GPC6: variants seen among roughly 807,000 people sequenced by gnomAD.
The protein encoded by GPC6 is glypican-6.
In GPC6, 14 loss-of-function variants were observed where a neutral mutation model predicts 55.2. The observed-to-expected ratio is 0.25, with a 90% confidence interval of 0.17 to 0.40. The LOEUF (loss-of-function observed/expected upper bound fraction) is 0.40, where lower values mean the gene tolerates loss of function less well. Ranked by LOEUF, GPC6 falls within the 10% of genes least tolerant of loss-of-function variation. The pLI is 1.00. For missense variants in GPC6, 641 were observed against 708.5 expected, an observed-to-expected ratio of 0.90 and a Z score of 1.08; for synonymous variants, 278 against 259.6, an observed-to-expected ratio of 1.07 and a Z score of -0.68.
intron 1 of GPC6, among the ~76,000 whole-genome samples, chr13:93,246,789 C>CAAAAA (rs767827311): frequency 9.8e-5 from 4 of 40,848 alleles, no homozygotes; most frequent in African/African-American, 2.0e-4. Context: ...AAGACTGTCT[C>CAAAAA]AAAAAAAAAA....
At chr13:94,117,216 G>C (rs1279397530) in intron 4 of GPC6, among the ~76,000 whole-genome samples, 1 of 152,018 alleles carries the variant, frequency 6.6e-6, no homozygotes, top group Non-Finnish European at 1.5e-5. Flanking sequence ...ACTCATTATG[G>C]ACTCCACCTC....
intron 5 of GPC6, among the ~76,000 whole-genome samples, chr13:94,289,546 T>G (rs904256475): frequency 2.0e-5 from 3 of 152,196 alleles, no homozygotes; most frequent in Non-Finnish European, 4.4e-5. Context: ...GTGTAACAAG[T>G]CAGGGTAACT....
intron 2 of GPC6, among the ~76,000 whole-genome samples, chr13:93,750,134 A>C (rs543021797): frequency 1.3e-5 from 2 of 152,354 alleles, no homozygotes; most frequent in African/African-American, 4.8e-5. Context: ...ATAGAATTTA[A>C]GCAGAGTCTT....
At chr13:93,891,441 C>T (rs9524268) in intron 3 of GPC6, among the ~76,000 whole-genome samples, 46,148 of 151,952 alleles carry the variant, frequency 0.3, 7,137 homozygotes, top group Non-Finnish European at 0.32. Context: ...TGCTGACTCT[C>T]CTTCTTCATA....
chr13:94,035,855 C>T (rs996262083), intron 4 of GPC6, among the ~76,000 whole-genome samples: 2 of 151,914 alleles, frequency 1.3e-5, no homozygotes, highest in African/African-American at 2.4e-5. Flanking sequence ...TCATAGTTAT[C>T]TCAAAAGTAG....
chr13:93,396,456 G>A (rs755021900), intron 1 of GPC6, among the ~76,000 whole-genome samples: 37 of 152,076 alleles, frequency 2.4e-4, no homozygotes, highest in Admixed American at 3.9e-4. Flanking sequence ...CCAGCTACTC[G>A]GGAGGCTGAG....
chr13:93,326,502 T>C (rs530653560), intron 1 of GPC6, among the ~76,000 whole-genome samples: 1 of 152,238 alleles, frequency 6.6e-6, no homozygotes, highest in Admixed American at 6.5e-5. Flanking sequence ...AAGAAACTTA[T>C]AAAAAATCTT....
chr13:94,082,818 G>A (rs531728869), intron 4 of GPC6, among the ~76,000 whole-genome samples: 1 of 152,244 alleles, frequency 6.6e-6, no homozygotes, highest in Admixed American at 6.5e-5. Flanking sequence ...TTCATCTGTA[G>A]ACCCATCCTG....
chr13:94,328,380 T>A (rs1027508886), intron 6 of GPC6, among the ~76,000 whole-genome samples: 2 of 152,226 alleles, frequency 1.3e-5, no homozygotes, highest in Non-Finnish European at 2.9e-5. Flanking sequence ...TAATTAGACA[T>A]GTAAAATGAC....
chr13:93,785,504 T>C (rs915598176), intron 2 of GPC6, among the ~76,000 whole-genome samples: 4 of 152,138 alleles, frequency 2.6e-5, no homozygotes, highest in Non-Finnish European at 5.9e-5. Flanking sequence ...ACACAGATGG[T>C]ACGTAGATCA....
chr13:94,168,406 G>A (rs80089857), intron 4 of GPC6, among the ~76,000 whole-genome samples: 1 of 152,148 alleles, frequency 6.6e-6, no homozygotes, highest in East Asian at 1.9e-4. Flanking sequence ...GGTGGAGCCC[G>A]TAATGTTGGG....
chr13:93,276,122 C>T (rs973388256), intron 1 of GPC6, among the ~76,000 whole-genome samples: 1 of 152,164 alleles, frequency 6.6e-6, no homozygotes, highest in Non-Finnish European at 1.5e-5. Flanking sequence ...GATCCACTCG[C>T]CTCGGCCTCC....
At chr13:93,532,887 A>G (rs1288671766) in intron 1 of GPC6, among the ~76,000 whole-genome samples, 2 of 152,190 alleles carry the variant, frequency 1.3e-5, no homozygotes, top group Non-Finnish European at 2.9e-5. Context: ...TGCAGAGTGA[A>G]AATTTTAGAA....
intron 2 of GPC6, among the ~76,000 whole-genome samples, chr13:93,760,530 G>A (rs1305381751): frequency 2.0e-5 from 3 of 152,142 alleles, no homozygotes; most frequent in Admixed American, 6.5e-5. Context: ...AGCATGGCCT[G>A]CACAGGATCA....
chr13:94,399,251 A>T (rs1385231298), intron 8 of GPC6, among the ~76,000 whole-genome samples: 1 of 152,212 alleles, frequency 6.6e-6, no homozygotes, highest in African/African-American at 2.4e-5. Flanking sequence ...GCACATACAC[A>T]ACCCATAGAC....
chr13:93,222,904 C>A (rs927460541), upstream of GPC6, among the ~76,000 whole-genome samples: 1 of 151,864 alleles, frequency 6.6e-6, no homozygotes, highest in African/African-American at 2.4e-5. Context: ...CCTCCATTGT[C>A]ATTGTCTGTC....
chr13:94,001,647 G>A (rs924451846), intron 3 of GPC6, among the ~76,000 whole-genome samples: 2 of 152,068 alleles, frequency 1.3e-5, no homozygotes, highest in Non-Finnish European at 2.9e-5. Flanking sequence ...AGTACCCCAA[G>A]AAAATCAAAA....
At chr13:93,988,616 G>A (rs928516453) in intron 3 of GPC6, among the ~76,000 whole-genome samples, 1 of 151,932 alleles carries the variant, frequency 6.6e-6, no homozygotes, top group African/African-American at 2.4e-5. Context: ...TTCTCATATG[G>A]CGGAAGGGGG....
intron 4 of GPC6, among the ~76,000 whole-genome samples, chr13:94,082,763 T>A (rs1460664078): frequency 6.6e-6 from 1 of 152,202 alleles, no homozygotes; most frequent in Non-Finnish European, 1.5e-5. Flanking sequence ...AGAGGATGTA[T>A]CCTCCGTGAA....
Sources: allele counts gnomAD v4.1 joint callset (sites outside exome capture counted in the v4.1 genomes callset), GRCh38; gene constraint gnomAD v4.1.1; transcripts MANE v1.5; gene names NCBI Gene and HGNC (gene_info 2026-07-23, HGNC 2026-07-21).